Variants in ZCCHC14 observed in about 807,000 individuals in gnomAD.
ZCCHC14 encodes zinc finger CCHC domain-containing protein 14.
Under a neutral mutation model 85.0 loss-of-function variants are expected in ZCCHC14, and 16 were observed. The ratio of observed to expected loss-of-function variants is 0.19; its 90% CI spans 0.13 to 0.29. The LOEUF (loss-of-function observed/expected upper bound fraction) is 0.29. Ranked by LOEUF, ZCCHC14 falls within the 10% of genes least tolerant of loss-of-function variation. The probability of loss-of-function intolerance (pLI) is 1.00; values close to 1 mark genes in which losing one functional copy is unlikely to be tolerated. For missense variants in ZCCHC14, 1,303 were observed against 1,443.5 expected (o/e 0.90, Z 1.58); for synonymous variants, 775 against 630.7 (o/e 1.23, Z -3.43).
At chr16:87,441,455 C>G (rs1251237520) in intron 2 of ZCCHC14, among the ~76,000 whole-genome samples, 1 of 151,846 alleles carries the variant, frequency 6.6e-6, no homozygotes, top group Admixed American at 6.6e-5. Context: ...TTTGATTTTC[C>G]TTATCTCCCA....
rs1474829687 is a variant in ZCCHC14 at position 87,420,640 on chromosome 16, T to C, written c.917A>G (p.Glu306Gly). 1.2e-6 allele frequency: 2 copies of C among 1,613,894 alleles called. No homozygotes were observed. The change falls in exon 5 of 13, where the codon GAG becomes GGG. Residue 306 changes from glutamate (E) to glycine (G), a missense_variant. Around this residue, in one of 7 missense-constraint regions of ZCCHC14, gnomAD observed 389 missense variants for 397.8 expected, o/e 0.98. Coordinates refer to ENST00000671377, the MANE Select transcript of ZCCHC14 (RefSeq NM_015144.3). This position sits in a 1 kb window ranked among gnomAD's most constrained non-coding sequence, Gnocchi z 5.0. Reference sequence around the variant, plus strand: ...TGAGTCCAGATCCACGTGGTTTCGCTCCACATAAAATGCGTCCGGACCAGC... The same window carrying C: ...TGAGTCCAGATCCACGTGGTTTCGCCCCACATAAAATGCGTCCGGACCAGC... ...CLAGPDAFYV[E>G]RNHVDLDSGL...
intron 2 of ZCCHC14, among the ~76,000 whole-genome samples, chr16:87,455,332 C>A (rs1910906051): frequency 6.6e-6 from 1 of 151,690 alleles, no homozygotes; most frequent in South Asian, 2.1e-4. Context: ...GAACGACTGG[C>A]TCTCAGGAGA....
chr16:87,443,954 T>C (rs561286107), intron 2 of ZCCHC14, among the ~76,000 whole-genome samples: 11 of 149,240 alleles, frequency 7.4e-5, no homozygotes, highest in Non-Finnish European at 1.5e-4. Flanking sequence ...TGAGAATCAC[T>C]TGAACCTGGG....
At chr16:87,460,357 C>T (rs944239750) in intron 1 of ZCCHC14, among the ~76,000 whole-genome samples, 5 of 152,216 alleles carry the variant, frequency 3.3e-5, no homozygotes, top group Admixed American at 1.3e-4. Context: ...CGGGCGCTTA[C>T]GTCTTGTGGC....
chr16:87,450,894 A>G (rs1910666031), intron 2 of ZCCHC14, among the ~76,000 whole-genome samples: 1 of 150,050 alleles, frequency 6.7e-6, no homozygotes, highest in Non-Finnish European at 1.5e-5. Context: ...GGAAGTGAAC[A>G]CCTTTTCCTT....
chr16:87,487,446 T>C (rs1370084319), intron 1 of ZCCHC14, among the ~76,000 whole-genome samples: 4 of 152,278 alleles, frequency 2.6e-5, no homozygotes, highest in Non-Finnish European at 2.9e-5. Context: ...TACCTGTCGC[T>C]GACCAAATGC....
intron 1 of ZCCHC14, among the ~76,000 whole-genome samples, chr16:87,483,146 A>G (rs532529845): frequency 6.6e-6 from 1 of 151,910 alleles, no homozygotes; most frequent in East Asian, 1.9e-4. Context: ...ATGCCTTGAA[A>G]CTTACGGAGT....
intron 1 of ZCCHC14, among the ~76,000 whole-genome samples, chr16:87,466,945 CCT>C (rs1394455290): frequency 2.6e-5 from 4 of 152,076 alleles, no homozygotes; most frequent in South Asian, 4.1e-4. Context: ...CAAATACGGA[CCT>C]GAACAGTATT....
At chr16:87,483,344 A>T (rs1484384492) in intron 1 of ZCCHC14, among the ~76,000 whole-genome samples, 3 of 132,934 alleles carry the variant, frequency 2.3e-5, no homozygotes, top group Admixed American at 1.6e-4. Context: ...AAAAAAAATT[A>T]GCCAGGCTTG....
At chr16:87,478,833 C>T (rs1478794635) in intron 1 of ZCCHC14, among the ~76,000 whole-genome samples, 1 of 151,938 alleles carries the variant, frequency 6.6e-6, no homozygotes, top group East Asian at 1.9e-4. Flanking sequence ...ACTCAAATTC[C>T]TGACCTTGTG....
intron 1 of ZCCHC14, among the ~76,000 whole-genome samples, chr16:87,478,663 G>A (rs1300754653): frequency 6.6e-6 from 1 of 151,142 alleles, no homozygotes; most frequent in African/African-American, 2.4e-5. Context: ...CTGGAGTGCA[G>A]TGGCGCCATC....
intron 4 of ZCCHC14, among the ~76,000 whole-genome samples, chr16:87,423,492 G>A (rs959885856): frequency 1.3e-5 from 2 of 152,232 alleles, no homozygotes; most frequent in African/African-American, 4.8e-5. Context: ...CCCAGCCTTT[G>A]CCAAGGAAAC....
At chr16:87,452,928 C>T (rs1910775762) in intron 2 of ZCCHC14, among the ~76,000 whole-genome samples, 1 of 152,202 alleles carries the variant, frequency 6.6e-6, no homozygotes, top group Non-Finnish European at 1.5e-5. Context: ...CCCAAGTGCA[C>T]ACATGTGCCC....
intron 2 of ZCCHC14, among the ~76,000 whole-genome samples, chr16:87,455,405 T>C (rs1167751605): frequency 6.6e-6 from 1 of 151,950 alleles, no homozygotes; most frequent in Non-Finnish European, 1.5e-5. Context: ...CTGTGTCACA[T>C]GGAGTGGCTC....
intron 2 of ZCCHC14, among the ~76,000 whole-genome samples, chr16:87,440,646 G>C (rs1347548345): frequency 6.6e-6 from 1 of 151,532 alleles, no homozygotes; most frequent in Non-Finnish European, 1.5e-5. Flanking sequence ...TCACTCTGTC[G>C]CCCAGGCTGA....
chr16:87,449,440 G>A (rs1022674557), intron 2 of ZCCHC14, among the ~76,000 whole-genome samples: 3 of 152,102 alleles, frequency 2.0e-5, no homozygotes, highest in Admixed American at 6.5e-5. Flanking sequence ...CCATGATCAC[G>A]AGGGAGGAGA....
At chr16:87,418,075 C>T (rs559551568) in intron 7 of ZCCHC14, 1 of 332,538 alleles carries the variant, frequency 3.0e-6, no homozygotes, top group African/African-American at 2.1e-5. Context: ...ACGTCTCTGT[C>T]CCCACCAGAC....
chr16:87,446,999 T>G (rs1910472283), intron 2 of ZCCHC14, among the ~76,000 whole-genome samples: 1 of 152,100 alleles, frequency 6.6e-6, no homozygotes, highest in African/African-American at 2.4e-5. Flanking sequence ...CAAACCAACA[T>G]TCTATATGAG....
At chr16:87,449,694 C>T (rs1910603864) in intron 2 of ZCCHC14, among the ~76,000 whole-genome samples, 1 of 152,150 alleles carries the variant, frequency 6.6e-6, no homozygotes, top group Non-Finnish European at 1.5e-5. Context: ...CAAAATTATG[C>T]TTAAAAAATC....
Sources: gnomAD v4.1 joint callset for allele counts (sites outside exome capture counted in the v4.1 genomes callset) on GRCh38, gnomAD v4.1.1 for gene constraint, gnomAD v4.1.1 regional missense constraint, Gnocchi (gnomAD v3.1) non-coding constraint, MANE v1.5 for transcripts, NCBI Gene and HGNC (gene_info 2026-07-23, HGNC 2026-07-21) for gene names.